The following SENP5 variants were observed in gnomAD, a reference collection of about 807,000 sequenced individuals.
SENP5 encodes SUMO specific peptidase 5, also known as sentrin-specific protease 5.
In SENP5, 21 loss-of-function variants were observed where a neutral mutation model predicts 74.2. The observed-to-expected ratio is 0.28, with a 90% CI of 0.20 to 0.41. The LOEUF is 0.41. Among genes scored for constraint, SENP5 ranks in the 10% least tolerant of loss-of-function variants. SENP5 has a pLI of 1.00. For missense variants in SENP5, 717 were observed against 889.1 expected, an observed-to-expected ratio of 0.81 and a Z score of 2.46; for synonymous variants, 311 against 312.7, an observed-to-expected ratio of 0.99 and a Z score of 0.06.
At chr3:196,896,275 G>A (rs1207987570) in intron 2 of SENP5, among the ~76,000 whole-genome samples, 6 of 152,182 alleles carry the variant, frequency 3.9e-5, no homozygotes, top group African/African-American at 1.4e-4. Flanking sequence ...AGTTGTTTTT[G>A]TAGAGAAAAG....
At chr3:196,924,615 T>A (rs1291872040) in intron 7 of SENP5, among the ~76,000 whole-genome samples, 1 of 50,800 alleles carries the variant, frequency 2.0e-5, no homozygotes, top group Non-Finnish European at 3.0e-5. Context: ...ATTCTCATAT[T>A]TTCTGGTTAG....
At chr3:196,917,382 G>A (rs889935642) in intron 6 of SENP5, among the ~76,000 whole-genome samples, 1 of 152,122 alleles carries the variant, frequency 6.6e-6, no homozygotes, top group African/African-American at 2.4e-5. Flanking sequence ...TAGAGAGAGA[G>A]AGAGAGGGTA....
chr3:196,925,930 G>T (rs1715795255), intron 7 of SENP5, among the ~76,000 whole-genome samples: 1 of 152,168 alleles, frequency 6.6e-6, no homozygotes, highest in Admixed American at 6.5e-5. Context: ...GCCAGGTGGG[G>T]TCAAGCTGTT....
intron 6 of SENP5, among the ~76,000 whole-genome samples, chr3:196,921,970 C>T (rs1278498113): frequency 2.0e-5 from 3 of 152,182 alleles, no homozygotes; most frequent in Non-Finnish European, 4.4e-5. Flanking sequence ...TTATCACCCA[C>T]TCTACAACTG....
chr3:196,928,631 C>T (rs1435549409), intron 8 of SENP5, among the ~76,000 whole-genome samples: 2 of 152,186 alleles, frequency 1.3e-5, no homozygotes, highest in African/African-American at 4.8e-5. Context: ...GGATCATTGA[C>T]AGGATGTTAT....
intron 6 of SENP5, among the ~76,000 whole-genome samples, chr3:196,904,116 A>G (rs976176650): frequency 6.6e-6 from 1 of 152,236 alleles, no homozygotes; most frequent in Non-Finnish European, 1.5e-5. Flanking sequence ...ATTTCCAAAA[A>G]CCATGTACCT....
At chr3:196,873,902 T>C (rs1713336340) in intron 1 of SENP5, among the ~76,000 whole-genome samples, 1 of 152,076 alleles carries the variant, frequency 6.6e-6, no homozygotes, top group African/African-American at 2.4e-5. Flanking sequence ...TGGGTCTTGC[T>C]GTGTTGCCCA....
At chr3:196,869,288 C>T (rs1168822300) in intron 1 of SENP5, among the ~76,000 whole-genome samples, 1 of 151,942 alleles carries the variant, frequency 6.6e-6, no homozygotes, top group Non-Finnish European at 1.5e-5. Context: ...ACTGCAACCT[C>T]CTCCTCCCAG....
chr3:196,920,472 A>G (rs1472570159), intron 6 of SENP5, among the ~76,000 whole-genome samples: 1 of 152,222 alleles, frequency 6.6e-6, no homozygotes, highest in Non-Finnish European at 1.5e-5. Context: ...ATAGACACTT[A>G]TAAGTAGTGA....
intron 1 of SENP5, among the ~76,000 whole-genome samples, chr3:196,868,561 G>GGTATCAGCCTCCGCTCTACGCC (rs1713044944): frequency 1.3e-5 from 2 of 152,230 alleles, no homozygotes; most frequent in Admixed American, 6.5e-5. Context: ...TGCTCTGAGC[G>GGTATCAGCCTCCGCTCTACGCC]GTATCAGCCT....
intron 1 of SENP5, among the ~76,000 whole-genome samples, chr3:196,879,109 T>C (rs1460655592): frequency 6.6e-6 from 1 of 152,200 alleles, no homozygotes; most frequent in African/African-American, 2.4e-5. Flanking sequence ...ATTGTTGTGT[T>C]TATTGCATGA....
At chr3:196,915,864 G>A (rs1213329393) in intron 6 of SENP5, among the ~76,000 whole-genome samples, 1 of 152,220 alleles carries the variant, frequency 6.6e-6, no homozygotes, top group Non-Finnish European at 1.5e-5. Context: ...CTGTAGTGCA[G>A]ATACGGCTGC....
intron 1 of SENP5, among the ~76,000 whole-genome samples, chr3:196,877,657 A>G (rs994523705): frequency 6.6e-6 from 1 of 152,144 alleles, no homozygotes; most frequent in African/African-American, 2.4e-5. Context: ...AGTGTGATCT[A>G]TTTTGAAGCT....
intron 2 of SENP5, among the ~76,000 whole-genome samples, chr3:196,889,701 A>G (rs560882574): frequency 1.2e-4 from 18 of 152,338 alleles, no homozygotes; most frequent in Non-Finnish European, 2.4e-4. Context: ...TTAAAAACAC[A>G]TGTGTCTTCA....
chr3:196,914,580 A>ATATAT (rs1346805512), intron 6 of SENP5: 188 of 70,034 alleles, frequency 2.7e-3, no homozygotes, highest in African/African-American at 5.1e-3. Context: ...AAAAAAAAAA[A>ATATAT]AAAAAAATAT....
At chr3:196,872,019 G>C (rs1713238715) in intron 1 of SENP5, among the ~76,000 whole-genome samples, 1 of 152,160 alleles carries the variant, frequency 6.6e-6, no homozygotes, top group South Asian at 2.1e-4. Context: ...CAAAGTGCTG[G>C]GATTACAGGC....
chr3:196,885,113 T>C, intron 1 of SENP5, 38 bp from the exon 2 acceptor site: 1 of 1,278,718 alleles, frequency 7.8e-7, no homozygotes, highest in Admixed American at 2.3e-5. Context: ...ATGACCTTAT[T>C]TTTAGATAGA....
intron 1 of SENP5, among the ~76,000 whole-genome samples, chr3:196,870,964 T>G (rs1433528316): frequency 6.6e-6 from 1 of 151,242 alleles, no homozygotes; most frequent in East Asian, 2.0e-4. Context: ...AGTCAGGAGT[T>G]AGAGAACAGC....
intron 2 of SENP5, among the ~76,000 whole-genome samples, chr3:196,890,598 G>T (rs1046939149): frequency 6.6e-6 from 1 of 152,216 alleles, no homozygotes; most frequent in Non-Finnish European, 1.5e-5. Flanking sequence ...AGCTGCAAAA[G>T]ATTTGAGGGC....
Sources: allele counts gnomAD v4.1 joint callset (sites outside exome capture counted in the v4.1 genomes callset), GRCh38; gene constraint gnomAD v4.1.1; transcripts MANE v1.5; gene names NCBI Gene and HGNC (gene_info 2026-07-23, HGNC 2026-07-21).